Variants in SGK3 observed in about 807,000 individuals in gnomAD.
SGK3 encodes serine/threonine-protein kinase Sgk3.
Under a neutral mutation model 68.5 loss-of-function variants are expected in SGK3, and 47 were observed. That is an observed-to-expected ratio of 0.69 (90% CI 0.54 to 0.87). The LOEUF (loss-of-function observed/expected upper bound fraction) is 0.87, where lower values mean the gene tolerates loss of function less well. Ranked by LOEUF, SGK3 falls within the 40% of genes least tolerant of loss-of-function variation. SGK3 has a pLI of 0.00. For missense variants in SGK3, 479 were observed against 575.5 expected (o/e 0.83, Z 1.72); for synonymous variants, 181 against 189.1 (o/e 0.96, Z 0.35).
At chr8:66,775,026 T>TC (rs1171657904) in intron 1 of SGK3, among the ~76,000 whole-genome samples, 1 of 152,136 alleles carries the variant, frequency 6.6e-6, no homozygotes, top group African/African-American at 2.4e-5. Flanking sequence ...CCGCCTTTCC[T>TC]CCCCCGCTTA....
intron 3 of SGK3, among the ~76,000 whole-genome samples, chr8:66,801,849 AGT>A (rs1807960179): frequency 6.6e-6 from 1 of 152,156 alleles, no homozygotes; most frequent in Admixed American, 6.5e-5. Flanking sequence ...CCACACCGGT[AGT>A]GTGTGTTCAT....
chr8:66,856,742 T>C (rs1399399364), intron 16 of SGK3, among the ~76,000 whole-genome samples: 2 of 152,178 alleles, frequency 1.3e-5, no homozygotes, highest in African/African-American at 4.8e-5. Context: ...ATCCTTGCAA[T>C]AACCTCAGGA....
chr8:66,857,799 A>ATATGTG (rs1180961155), intron 16 of SGK3, among the ~76,000 whole-genome samples: 1 of 133,716 alleles, frequency 7.5e-6, no homozygotes, highest in East Asian at 2.2e-4. Flanking sequence ...GTGTGTGTGT[A>ATATGTG]TGTGTGTGTG....
intron 1 of SGK3, among the ~76,000 whole-genome samples, chr8:66,729,272 C>A (rs535205675): frequency 1.3e-5 from 2 of 151,046 alleles, no homozygotes; most frequent in Non-Finnish European, 2.9e-5. Flanking sequence ...CTGGCTAACA[C>A]GGTGAAACCC....
Position 66,850,790 on chromosome 8 carries a change from T to C in SGK3, c.1231-41T>C, listed in dbSNP as rs7011698. 5,278 of 1,548,174 alleles carry C rather than the reference T, an allele frequency of 3.4e-3. 158 individuals carry two copies. The African/African-American group carries it at 0.062, about 18-fold the overall frequency. ...AATTATGCAGTTAGTACTTAATATA[T>C]TCTTCGGCATTAGTAAAACAAATTT... On this transcript the variant is annotated intron_variant, in intron 15 of 16. Coordinates refer to ENST00000521198, the MANE Select transcript of SGK3 (RefSeq NM_001033578.3).
At chr8:66,746,132 G>A (rs1805649525) in intron 1 of SGK3, among the ~76,000 whole-genome samples, 1 of 152,138 alleles carries the variant, frequency 6.6e-6, no homozygotes, top group Non-Finnish European at 1.5e-5. Flanking sequence ...CTTGCCCATT[G>A]CATCAAATTC....
At chr8:66,820,443 CCATT>C (rs1377774927) in intron 5 of SGK3, among the ~76,000 whole-genome samples, 3 of 152,088 alleles carry the variant, frequency 2.0e-5, no homozygotes, top group African/African-American at 4.8e-5. Flanking sequence ...TTTTGTTTAT[CCATT>C]CATCTATTGG....
At chr8:66,760,027 C>G (rs1470519890) in intron 1 of SGK3, among the ~76,000 whole-genome samples, 1 of 152,162 alleles carries the variant, frequency 6.6e-6, no homozygotes, top group Non-Finnish European at 1.5e-5. Context: ...ATTTTTGATG[C>G]ATGCAAGGCT....
chr8:66,858,782 T>C (rs1490259803), intron 16 of SGK3, among the ~76,000 whole-genome samples: 1 of 152,140 alleles, frequency 6.6e-6, no homozygotes, highest in East Asian at 1.9e-4. Flanking sequence ...GAGACCTTTT[T>C]TGCATTTTTT....
rs538041473 is a variant in SGK3 at position 66,805,995 on chromosome 8, G to A, written c.253+1548G>A. On this transcript the variant is annotated intron_variant, in intron 4 of 16. Coordinates refer to ENST00000521198, the MANE Select transcript of SGK3 (RefSeq NM_001033578.3). Reference sequence around the variant, plus strand: ...CTATATAATTCTGCCCACCATTAACGGACTGCTCTTTATCCTGCACCTTTT... The same window carrying A: ...CTATATAATTCTGCCCACCATTAACAGACTGCTCTTTATCCTGCACCTTTT... 4.6e-5 allele frequency among the ~76,000 whole-genome samples: 7 copies of A among 151,996 alleles called. 1 individual carries two copies. Among genetic ancestry groups the A allele is most frequent in the Admixed American group, 2.0e-4 (3 of 15,250 alleles).
chr8:66,746,172 G>A (rs1805650480), intron 1 of SGK3, among the ~76,000 whole-genome samples: 1 of 152,086 alleles, frequency 6.6e-6, no homozygotes, highest in African/African-American at 2.4e-5. Flanking sequence ...TGCAGATTAG[G>A]TTAGCTCATT....
intron 5 of SGK3, among the ~76,000 whole-genome samples, chr8:66,819,996 T>G (rs1808745205): frequency 6.6e-6 from 1 of 152,086 alleles, no homozygotes; most frequent in Non-Finnish European, 1.5e-5. Context: ...TTTTGTATTT[T>G]TAGTAGAGAC....
chr8:66,828,316 A>T (rs1413830063), intron 6 of SGK3, among the ~76,000 whole-genome samples: 2 of 152,232 alleles, frequency 1.3e-5, no homozygotes, highest in Non-Finnish European at 2.9e-5. Context: ...CCAGTTTTTT[A>T]GAAAGTGATC....
In SGK3 at chr8:66,835,784, C is replaced by G. The variant is rs1172793059; in HGVS notation, c.547C>G (p.Leu183Val). 6.2e-7 allele frequency: 1 copy of G among 1,611,984 alleles called. No individual in the cohort carries two copies. The change falls in exon 9 of 17, where the codon CTG becomes GTG. Residue 183 changes from leucine (L) to valine (V), a missense_variant. Transcript: ENST00000521198. ...ACAGGTTCTTCTTGCAAAACGGAAACTGGATGGAAAATTTTATGCTGTCAA... is the reference window on the plus strand; with the variant it reads ...ACAGGTTCTTCTTGCAAAACGGAAAGTGGATGGAAAATTTTATGCTGTCAA... ...FGKVLLAKRK[L>V]DGKFYAVKVL...
intron 15 of SGK3, among the ~76,000 whole-genome samples, chr8:66,849,302 T>C (rs1249067164): frequency 2.0e-5 from 3 of 152,202 alleles, no homozygotes; most frequent in Non-Finnish European, 2.9e-5. Flanking sequence ...TGTCCCCCTG[T>C]GCTCCCTTTT....
At chr8:66,827,296 C>A (rs942350803) in intron 6 of SGK3, among the ~76,000 whole-genome samples, 1 of 148,882 alleles carries the variant, frequency 6.7e-6, no homozygotes, top group Non-Finnish European at 1.5e-5. Flanking sequence ...GCAGGAGAAT[C>A]GTTTGAACCA....
At chr8:66,721,765 T>A (rs768077211) in intron 1 of SGK3, among the ~76,000 whole-genome samples, 1 of 152,112 alleles carries the variant, frequency 6.6e-6, no homozygotes, top group Non-Finnish European at 1.5e-5. Flanking sequence ...GACAGTCATG[T>A]TATGGGTTGA....
At chr8:66,841,820 G>A (rs1380138320) in intron 13 of SGK3, among the ~76,000 whole-genome samples, 4 of 152,126 alleles carry the variant, frequency 2.6e-5, no homozygotes, top group Non-Finnish European at 4.4e-5. Context: ...ATCTATTTGT[G>A]ACAATAGTAA....
chr8:66,720,780 A>ATT (rs1278680751), intron 1 of SGK3, among the ~76,000 whole-genome samples: 10 of 126,298 alleles, frequency 7.9e-5, no homozygotes, highest in African/African-American at 4.2e-4. Flanking sequence ...CAAAAAAAAA[A>ATT]TTATATATAT....
Sources: allele counts gnomAD v4.1 joint callset (sites outside exome capture counted in the v4.1 genomes callset), GRCh38; gene constraint gnomAD v4.1.1; transcripts MANE v1.5; gene names NCBI Gene and HGNC (gene_info 2026-07-23, HGNC 2026-07-21).